LOC128125818: variants seen among roughly 807,000 people sequenced by gnomAD.
chr4:6,068,151 A>T, the LOC128125818 span, among the ~76,000 whole-genome samples: 1 of 152,178 alleles, frequency 6.6e-6, no homozygotes, highest in Non-Finnish European at 1.5e-5. Context: ...AAGCCCTAAT[A>T]CAGGGCATTA....
the LOC128125818 span, among the ~76,000 whole-genome samples, chr4:6,066,861 G>T: frequency 1.3e-5 from 2 of 152,038 alleles, no homozygotes; most frequent in Admixed American, 6.6e-5. Flanking sequence ...CTCCCATCCT[G>T]CCCTGGCATC....
the LOC128125818 span, among the ~76,000 whole-genome samples, chr4:6,065,365 C>T: frequency 2.6e-5 from 4 of 152,180 alleles, no homozygotes; most frequent in Non-Finnish European, 5.9e-5. This position sits in a 1 kb window ranked among gnomAD's most constrained non-coding sequence, Gnocchi z 5.1. Flanking sequence ...CCATGCATGC[C>T]CTGTGCCCAG....
At chr4:6,065,339 T>C in the LOC128125818 span, among the ~76,000 whole-genome samples, 2 of 152,186 alleles carry the variant, frequency 1.3e-5, no homozygotes, top group Non-Finnish European at 2.9e-5. This position sits in a 1 kb window ranked among gnomAD's most constrained non-coding sequence, Gnocchi z 5.1. Flanking sequence ...ACCTCACCTG[T>C]GAGCACAAAA....
the LOC128125818 span, among the ~76,000 whole-genome samples, chr4:6,067,546 G>A: frequency 1.1e-4 from 17 of 151,092 alleles, no homozygotes; most frequent in Middle Eastern, 6.8e-3. The surrounding 1 kb of genome is among the most constrained non-coding windows in gnomAD (Gnocchi z 4.6). Context: ...ATCCCATGGT[G>A]ACAATGGCAC....
chr4:6,066,156 A>C, the LOC128125818 span, among the ~76,000 whole-genome samples: 4 of 151,986 alleles, frequency 2.6e-5, no homozygotes, highest in Admixed American at 6.6e-5. Flanking sequence ...AGCTCCCCCA[A>C]CCCACAGAGA....
the LOC128125818 span, among the ~76,000 whole-genome samples, chr4:6,067,946 C>A: frequency 6.6e-6 from 1 of 152,118 alleles, no homozygotes; most frequent in Non-Finnish European, 1.5e-5. This position sits in a 1 kb window ranked among gnomAD's most constrained non-coding sequence, Gnocchi z 4.6. Context: ...CCTTTGGGGA[C>A]GAGTCTGTTT....
chr4:6,065,667 G>C, the LOC128125818 span, among the ~76,000 whole-genome samples: 1 of 152,230 alleles, frequency 6.6e-6, no homozygotes, highest in Admixed American at 6.5e-5. The surrounding 1 kb of genome is among the most constrained non-coding windows in gnomAD (Gnocchi z 5.1). Flanking sequence ...AAGGAATCAT[G>C]TAATAGACCT....
At chr4:6,069,839 T>A in the LOC128125818 span, among the ~76,000 whole-genome samples, 1 of 150,898 alleles carries the variant, frequency 6.6e-6, no homozygotes, top group Non-Finnish European at 1.5e-5. This position sits in a 1 kb window ranked among gnomAD's most constrained non-coding sequence, Gnocchi z 4.5. Context: ...TATACAGAGG[T>A]GCTCTTCCTC....
chr4:6,065,132 A>G, the LOC128125818 span: 1 of 1,203,862 alleles, frequency 8.3e-7, no homozygotes, highest in Non-Finnish European at 1.2e-6. The surrounding 1 kb of genome is among the most constrained non-coding windows in gnomAD (Gnocchi z 5.1). Flanking sequence ...GGGGCATCAC[A>G]AGATGCGGTT....
At chr4:6,068,701 G>A in the LOC128125818 span, among the ~76,000 whole-genome samples, 3 of 151,890 alleles carry the variant, frequency 2.0e-5, no homozygotes, top group African/African-American at 4.8e-5. Context: ...GGGATTACAG[G>A]TGCGTGCCAC....
chr4:6,067,936 C>T, the LOC128125818 span, among the ~76,000 whole-genome samples: 1 of 152,180 alleles, frequency 6.6e-6, no homozygotes, highest in Admixed American at 6.5e-5. The surrounding 1 kb of genome is among the most constrained non-coding windows in gnomAD (Gnocchi z 4.6). Context: ...AACTGCAAGG[C>T]CTTTGGGGAC....
At chr4:6,067,843 C>A in the LOC128125818 span, among the ~76,000 whole-genome samples, 1 of 152,122 alleles carries the variant, frequency 6.6e-6, no homozygotes, top group Admixed American at 6.5e-5. The surrounding 1 kb of genome is among the most constrained non-coding windows in gnomAD (Gnocchi z 4.6). Flanking sequence ...CTCTTCTGCA[C>A]ACGCAGGTCA....
chr4:6,066,730 C>T, the LOC128125818 span, among the ~76,000 whole-genome samples: 2 of 152,108 alleles, frequency 1.3e-5, no homozygotes, highest in Admixed American at 1.3e-4. Context: ...CCCTCTCTCC[C>T]CCTCTCTCCA....
the LOC128125818 span, among the ~76,000 whole-genome samples, chr4:6,067,658 G>T: frequency 7.9e-6 from 1 of 125,998 alleles, no homozygotes; most frequent in East Asian, 2.5e-4. This position sits in a 1 kb window ranked among gnomAD's most constrained non-coding sequence, Gnocchi z 4.6. Flanking sequence ...CACACACACA[G>T]GTCACCCCCT....
chr4:6,069,921 T>C, the LOC128125818 span: 1 of 395,404 alleles, frequency 2.5e-6, no homozygotes, highest in South Asian at 1.4e-4. The surrounding 1 kb of genome is among the most constrained non-coding windows in gnomAD (Gnocchi z 4.5). Context: ...CCAGATCCAG[T>C]CTCTCTCAGC....
At chr4:6,066,083 A>G in the LOC128125818 span, among the ~76,000 whole-genome samples, 1 of 152,144 alleles carries the variant, frequency 6.6e-6, no homozygotes, top group Admixed American at 6.5e-5. Flanking sequence ...GAATGAATCA[A>G]AACTGAATTC....
chr4:6,067,808 C>A, the LOC128125818 span, among the ~76,000 whole-genome samples: 1 of 147,652 alleles, frequency 6.8e-6, no homozygotes, highest in African/African-American at 2.5e-5. The surrounding 1 kb of genome is among the most constrained non-coding windows in gnomAD (Gnocchi z 4.6). Flanking sequence ...GCAGGTCACC[C>A]CCCTGAGCTC....
chr4:6,065,776 G>A, the LOC128125818 span, among the ~76,000 whole-genome samples: 1 of 152,174 alleles, frequency 6.6e-6, no homozygotes, highest in Admixed American at 6.5e-5. This position sits in a 1 kb window ranked among gnomAD's most constrained non-coding sequence, Gnocchi z 5.1. Context: ...AAATATCATA[G>A]GATATGGGGC....
At chr4:6,065,078 G>A in the LOC128125818 span, 2 of 1,585,236 alleles carry the variant, frequency 1.3e-6, no homozygotes, top group South Asian at 2.2e-5. This position sits in a 1 kb window ranked among gnomAD's most constrained non-coding sequence, Gnocchi z 5.1. Context: ...CCCTGGTCGT[G>A]GGCATGCCAG....
Sources: gnomAD v4.1 joint callset for allele counts (sites outside exome capture counted in the v4.1 genomes callset) on GRCh38, gnomAD v4.1.1 for gene constraint, Gnocchi (gnomAD v3.1) non-coding constraint, MANE v1.5 for transcripts.